The following TNN variants were observed in gnomAD, a reference collection of about 807,000 sequenced individuals.
The protein encoded by TNN is tenascin N.
TNN carries 122 observed loss-of-function variants against 134.4 expected under a neutral mutation model. The observed-to-expected ratio is 0.91, with a 90% CI of 0.78 to 1.06. TNN has a LOEUF of 1.06. Among genes scored for constraint, TNN ranks in the 50% least tolerant of loss-of-function variants. The pLI, the probability that TNN is intolerant of heterozygous loss-of-function variation, is 0.00. For synonymous variants in TNN, 710 were observed against 670.3 expected (o/e 1.06, Z -0.91); for missense variants, 1,739 against 1,699.4 (o/e 1.02, Z -0.41).
intron 4 of TNN, among the ~76,000 whole-genome samples, chr1:175,082,502 C>T (rs544750156): frequency 1.3e-5 from 2 of 152,308 alleles, no homozygotes; most frequent in African/African-American, 4.8e-5. Flanking sequence ...TTATTACTCA[C>T]CTCTTGACCT....
In TNN at chr1:175,079,661, C is replaced by T. The variant is rs1482407896; in HGVS notation, c.738C>T (p.Gly246=). Residue 246 remains glycine, a synonymous_variant, in exon 3 of 19, where the codon GGC becomes GGT. Transcript: ENST00000239462. ...GCGGCCACGGCTTCTGTGACACGGGCGAGTGCTACTGCGAGGAGGGCTTCA... is the reference window on the plus strand; with the variant it reads ...GCGGCCACGGCTTCTGTGACACGGGTGAGTGCTACTGCGAGGAGGGCTTCA... ...DCSGHGFCDT[G]ECYCEEGFTG... The T allele has an allele frequency of 2.5e-6, 4 of 1,609,048 alleles. No individual in the cohort carries two copies. The highest frequency in any genetic ancestry group is 1.7e-4 in the Middle Eastern group (1 of 6,050).
chr1:175,145,387 T>A (rs750778519), intron 18 of TNN, among the ~76,000 whole-genome samples: 1 of 151,368 alleles, frequency 6.6e-6, no homozygotes, highest in Non-Finnish European at 1.5e-5. Flanking sequence ...ACCCTGTCTC[T>A]ACAAAAGATA....
chr1:175,140,795 A>G (rs573581066), intron 17 of TNN, among the ~76,000 whole-genome samples: 41 of 152,322 alleles, frequency 2.7e-4, no homozygotes, highest in African/African-American at 9.9e-4. Flanking sequence ...TTAAATTCTG[A>G]ATTACAATGG....
chr1:175,135,733 G>A, intron 15 of TNN, 112 bp from the exon 16 acceptor site: 2 of 780,902 alleles, frequency 2.6e-6, no homozygotes, highest in East Asian at 2.5e-5. Context: ...TAGAATGAAA[G>A]GCTTGCTAGC....
intron 15 of TNN, 102 bp from the exon 16 acceptor site, chr1:175,135,743 C>T: frequency 1.2e-6 from 1 of 839,196 alleles, no homozygotes; most frequent in South Asian, 1.4e-5. Context: ...GGCTTGCTAG[C>T]TGGAGGAAGG....
Position 175,118,598 on chromosome 1 carries a change from G to A in TNN, c.2424G>A (p.Val808=). Residue 808 remains valine (V), a synonymous_variant, in exon 11 of 19, where the codon GTG becomes GTA. Transcript: ENST00000239462. ...DSPQNLVTDW[V]TENTATVSWD... is the part of the protein sequence containing the mutation. Reference sequence around the variant, plus strand: ...CCCAAAACCTGGTCACTGACTGGGTGACAGAGAATACAGCCACTGTCTCCT... The same window carrying A: ...CCCAAAACCTGGTCACTGACTGGGTAACAGAGAATACAGCCACTGTCTCCT... 6.2e-7 allele frequency: 1 copy of A among 1,614,108 alleles called. No homozygotes were observed. The highest frequency in any genetic ancestry group is 8.5e-7 in the Non-Finnish European group (1 of 1,180,004).
At chr1:175,126,037 G>A (rs1468889027) in intron 12 of TNN, among the ~76,000 whole-genome samples, 1 of 147,692 alleles carries the variant, frequency 6.8e-6, no homozygotes, top group Non-Finnish European at 1.5e-5. Context: ...TCTCTACTGG[G>A]TATGCATCTA....
chr1:175,090,330 C>G (rs570788752), intron 6 of TNN, among the ~76,000 whole-genome samples: 2 of 152,302 alleles, frequency 1.3e-5, no homozygotes, highest in Admixed American at 1.3e-4. Context: ...AATTTTGTTG[C>G]CACAATTGAA....
At chr1:175,115,811 G>C (rs1393614514) in intron 9 of TNN, among the ~76,000 whole-genome samples, 1 of 152,208 alleles carries the variant, frequency 6.6e-6, no homozygotes, top group East Asian at 1.9e-4. Flanking sequence ...AGCTGTAGGA[G>C]ATCCCAGTGG....
In TNN at chr1:175,097,458, G is replaced by A. The variant is rs1264979516; in HGVS notation, c.1630G>A (p.Glu544Lys). The A allele has an allele frequency of 3.1e-6, 5 of 1,614,246 alleles. No homozygotes were observed. Among genetic ancestry groups the A allele is most frequent in the African/African-American group, 1.3e-5 (1 of 75,052 alleles). ...AAACCTGGTGACTGACCGGGTGACT[G>A]AGAATACCGCCACCATCTCCTGGGA... is the stretch of plus-strand genomic sequence containing the variant. The part of the protein sequence containing the change: ...PANLVTDRVT[E>K]NTATISWDPV... Residue 544 changes from glutamate (E) to lysine (K), a missense_variant, in exon 8 of 19, where the codon GAG becomes AAG. Transcript: ENST00000239462.
rs762282016 is a variant in TNN at position 175,127,071 on chromosome 1, G to A, written c.3031G>A (p.Asp1011Asn). The change falls in exon 13 of 19, where the codon GAT (aspartate) becomes AAT (asparagine). Residue 1011 changes from aspartate to asparagine, a missense_variant. By Grantham distance (23) the Asp-to-Asn change is conservative. Transcript: ENST00000239462. The part of the protein sequence containing the change: ...HGYILTYQFP[D>N]GTVKEMQLGR... The stretch of plus-strand genomic sequence containing the variant: ...CTACATTCTGACTTACCAGTTCCCA[G>A]ATGGCACAGTTAAGGTACGGGGATT... The A allele has an allele frequency of 4.3e-6, 7 of 1,613,896 alleles. No individual in the cohort carries two copies. The highest frequency in any genetic ancestry group is 5.9e-6 in the Non-Finnish European group (7 of 1,179,950).
At chr1:175,117,679 G>A (rs967546044) in intron 10 of TNN, among the ~76,000 whole-genome samples, 6 of 152,276 alleles carry the variant, frequency 3.9e-5, no homozygotes, top group African/African-American at 9.6e-5. Flanking sequence ...ATTATGATAA[G>A]TTCTATGAAG....
intron 12 of TNN, 137 bp downstream of exon 12, chr1:175,123,800 G>T: frequency 7.8e-7 from 1 of 1,277,764 alleles, no homozygotes; most frequent in Non-Finnish European, 1.1e-6. Flanking sequence ...CCTTTTTTAC[G>T]TCTTTGAGCT....
rs778868112 is a variant in TNN at position 175,146,978 on chromosome 1, C to T, written c.3807C>T (p.Tyr1269=). The change falls in exon 19 of 19, where the codon TAC becomes TAT. Residue 1269 remains tyrosine (Y), a synonymous_variant. Transcript: ENST00000239462. ...AAGGACATGAATTCTCCATTCCTTA[C>T]GTGGAGTTGAAAATCCGCCCTCATG... ...PWKGHEFSIP[Y]VELKIRPHGY... The T allele has an allele frequency of 6.3e-7, 1 of 1,583,844 alleles. No individual in the cohort carries two copies. The highest frequency in any genetic ancestry group is 1.4e-5 in the African/African-American group (1 of 72,096).
chr1:175,124,022 G>A (rs964656623), intron 12 of TNN, among the ~76,000 whole-genome samples: 1 of 152,224 alleles, frequency 6.6e-6, no homozygotes, highest in African/African-American at 2.4e-5. Context: ...GAGGCAATGG[G>A]GATGCATCTT....
chr1:175,072,487 G>GA (rs1673936018), intron 1 of TNN, among the ~76,000 whole-genome samples: 1 of 152,172 alleles, frequency 6.6e-6, no homozygotes, highest in South Asian at 2.1e-4. Context: ...GTTTTGCTCA[G>GA]AAAAATCTTC....
Position 175,083,918 on chromosome 1 carries a change from G to C in TNN, c.1217G>C (p.Ser406Thr). The C allele has an allele frequency of 6.2e-7, 1 of 1,614,042 alleles. No individual in the cohort carries two copies. Among genetic ancestry groups the C allele is most frequent in the Non-Finnish European group, 8.5e-7 (1 of 1,179,992 alleles). Residue 406 changes from serine (S) to threonine (T), a missense_variant, in exon 5 of 19, where the codon AGC becomes ACC. Physicochemically the swap from Ser to Thr is moderately conservative, Grantham distance 58. Coordinates refer to ENST00000239462, the MANE Select transcript of TNN (RefSeq NM_022093.2). ...GTGCCCAAGAGCAGTGACCCCAAGAGCCGATATGACATCACTGGTAAGAGC... is the reference window on the plus strand; with the variant it reads ...GTGCCCAAGAGCAGTGACCCCAAGACCCGATATGACATCACTGGTAAGAGC... ...VTVPKSSDPK[S>T]RYDITGLHPG...
chr1:175,126,997 A>G lies in TNN; in HGVS notation c.2957A>G (p.Gln986Arg). 1 of 1,614,132 alleles carries G rather than the reference A, an allele frequency of 6.2e-7. No homozygotes were observed. Among genetic ancestry groups the G allele is most frequent in the Non-Finnish European group, 8.5e-7 (1 of 1,179,998 alleles). Reference sequence around the variant, plus strand: ...AACCTTCGTCCATCTGCTGTAACGCAGTCTGGTGGCATATTGACCTGGACG... The same window carrying G: ...AACCTTCGTCCATCTGCTGTAACGCGGTCTGGTGGCATATTGACCTGGACG... ...PRNLRPSAVT[Q>R]SGGILTWTPP... Residue 986 changes from glutamine to arginine, a missense_variant, in exon 13 of 19, where the codon CAG becomes CGG. Physicochemically the swap from Gln to Arg is conservative, Grantham distance 43. Transcript: ENST00000239462.
intron 9 of TNN, among the ~76,000 whole-genome samples, chr1:175,111,031 A>G (rs1032222633): frequency 1.3e-5 from 2 of 151,602 alleles, no homozygotes; most frequent in Admixed American, 1.3e-4. Context: ...AAGAAAAAAA[A>G]AAAGGGCTGG....
Sources: allele counts gnomAD v4.1 joint callset (sites outside exome capture counted in the v4.1 genomes callset), GRCh38; gene constraint gnomAD v4.1.1; transcripts MANE v1.5; gene names NCBI Gene and HGNC (gene_info 2026-07-23, HGNC 2026-07-21).